Variants in LMTK3 observed in about 807,000 individuals in gnomAD.
The protein encoded by LMTK3 is lemur tail kinase 3.
A neutral mutation model predicts 116.7 loss-of-function variants in LMTK3; 27 were observed. The observed-to-expected ratio is 0.23, with a 90% CI of 0.17 to 0.32. The LOEUF is 0.32. Among genes scored for constraint, LMTK3 ranks in the 10% least tolerant of loss-of-function variants. The pLI, the probability that LMTK3 is intolerant of heterozygous loss-of-function variation, is 1.00. For missense variants in LMTK3, 1,764 were observed against 2,068.5 expected (o/e 0.85, Z 2.86); for synonymous variants, 965 against 971.0 (o/e 0.99, Z 0.11).
At chr19:48,502,405 T>A (rs778453992) in intron 7 of LMTK3, 28 bp downstream of exon 7, 1 of 1,598,142 alleles carries the variant, frequency 6.3e-7, no homozygotes. Context: ...CCTTAGTAGC[T>A]CCTCCCGCGG....
At chr19:48,502,607 C>T in intron 6 of LMTK3, 26 bp from the exon 7 acceptor site, 1 of 1,518,548 alleles carries the variant, frequency 6.6e-7, no homozygotes, top group Non-Finnish European at 8.8e-7. Context: ...AGAAGGTCAG[C>T]ACCACCAGCC....
chr19:48,501,600 C>G lies in LMTK3; in HGVS notation c.795-38G>C, dbSNP rs371300267. 8.8e-5 allele frequency: 138 copies of G among 1,560,676 alleles called. 1 individual carries two copies. The African/African-American group carries it at 1.7e-3, about 20-fold the overall frequency. ...CGCGAGGAGGTGAGCGCAGGGGCAGCCCTCCAGCCACGCCCTGACCCCGCC... is the reference window on the plus strand; with the variant it reads ...CGCGAGGAGGTGAGCGCAGGGGCAGGCCTCCAGCCACGCCCTGACCCCGCC... On this transcript the variant is annotated intron_variant, in intron 7 of 14. Coordinates refer to ENST00000600059, the MANE Select transcript of LMTK3 (RefSeq NM_001388485.1).
chr19:48,498,854 C>A lies in LMTK3; in HGVS notation c.2215G>T (p.Ala739Ser). 1 of 1,230,738 alleles carries A rather than the reference C, an allele frequency of 8.1e-7. No homozygotes were observed. Among genetic ancestry groups the A allele is most frequent in the South Asian group, 2.5e-5 (1 of 39,718 alleles). The allele number at this position is 1,230,738 out of a possible 1,614,324, so 76.2% of individuals were successfully genotyped here. ...CGCCCGGGGTACTGGGGCGCCGCCGCCCCCATGAGGGGGTCCAGAAACTCG... is the reference window on the plus strand; with the variant it reads ...CGCCCGGGGTACTGGGGCGCCGCCGACCCCATGAGGGGGTCCAGAAACTCG... ...PPEFLDPLMGAAAPQYPGRGP... is the reference protein window; with the variant it reads ...PPEFLDPLMGSAAPQYPGRGP... Residue 739 changes from alanine to serine, a missense_variant, in exon 11 of 15, where the codon GCG becomes TCG. Ala to Ser is a moderately conservative substitution (Grantham distance 99). Transcript: ENST00000600059.
chr19:48,505,793 G>A (rs186580860), intron 5 of LMTK3, among the ~76,000 whole-genome samples: 58 of 150,516 alleles, frequency 3.9e-4, no homozygotes, highest in East Asian at 1.2e-3. Flanking sequence ...CCCGGGAGGC[G>A]GAGATTGCAG....
In LMTK3 at chr19:48,498,356, T is replaced by C; in HGVS notation, c.2713A>G (p.Arg905Gly). The C allele has an allele frequency of 1.9e-6, 3 of 1,613,042 alleles. No homozygotes were observed. In the South Asian group the frequency reaches 3.3e-5, roughly 18 times the overall value. ...CCGTTGCCCAGGACTGTCGGGTCCC[T>C]GTTCAGGCCCGGGACTTTCTCTCTG... The part of the protein sequence containing the change: ...GNREKVPGLN[R>G]DPTVLGNGKQ... The change falls in exon 11 of 15, where the codon AGG (arginine) becomes GGG (glycine). Residue 905 changes from arginine (R) to glycine (G), a missense_variant. Transcript: ENST00000600059.
Position 48,499,839 on chromosome 19 carries a change from G to A in LMTK3, c.1230C>T (p.Tyr410=), listed in dbSNP as rs753152580. 6.9e-6 allele frequency: 11 copies of A among 1,586,162 alleles called. No homozygotes were observed. In the African/African-American group the frequency reaches 1.3e-4, roughly 19 times the overall value. The change falls in exon 11 of 15, where the codon TAC becomes TAT. Residue 410 remains tyrosine (Y), a synonymous_variant. Coordinates refer to ENST00000600059, the MANE Select transcript of LMTK3 (RefSeq NM_001388485.1). ...GCCGGGGAGGCCGCTCGGAGAGCAA[G>A]TAGGTGAGCTGCAATTGGAGATCAG... ...SASDLQLQLT[Y]LLSERPPRPP... is the part of the protein sequence containing the mutation.
Position 48,497,904 on chromosome 19 carries a change from G to A in LMTK3, c.3165C>T (p.Ala1055=). The A allele has an allele frequency of 6.7e-7, 1 of 1,500,108 alleles. No individual in the cohort carries two copies. The highest frequency in any genetic ancestry group is 1.3e-5 in the South Asian group (1 of 74,154). 92.9% of individuals were successfully genotyped at this position (1,500,108 alleles called of 1,614,324 possible). A position where few individuals can be genotyped will look rare whatever the true frequency, so the allele number is the denominator to read the frequency against. ...AGGAGACCACTGCGCTGGGTGCAGG[G>A]GCTCTCTCCAGAGAGGTCTCTGGGG... The part of the protein sequence containing the change: ...EPAPETSLER[A]PAPSAVVSSR... The change falls in exon 11 of 15, where the codon GCC becomes GCT. Residue 1055 remains alanine (A), a synonymous_variant. Coordinates refer to ENST00000600059, the MANE Select transcript of LMTK3 (RefSeq NM_001388485.1). The surrounding 1 kb of genome is among the most constrained non-coding windows in gnomAD (Gnocchi z 5.7).
intron 5 of LMTK3, among the ~76,000 whole-genome samples, chr19:48,507,484 C>T (rs945606417): frequency 5.3e-5 from 8 of 152,224 alleles, no homozygotes; most frequent in Non-Finnish European, 1.2e-4. Flanking sequence ...TGGGAATCTT[C>T]TGGACCAGCC....
intron 11 of LMTK3, among the ~76,000 whole-genome samples, chr19:48,496,094 GTTTC>G (rs1254370489): frequency 6.6e-6 from 1 of 151,874 alleles, no homozygotes; most frequent in African/African-American, 2.4e-5. Context: ...TTGTTTGTTT[GTTTC>G]TGTTTGTTTT....
At chr19:48,505,205 C>G (rs2147555997) in intron 5 of LMTK3, among the ~76,000 whole-genome samples, 1 of 149,796 alleles carries the variant, frequency 6.7e-6, no homozygotes, top group South Asian at 2.2e-4. Context: ...CCTCCATCTC[C>G]CGGGCTCCAG....
chr19:48,513,232 T>C, upstream of LMTK3: 1 of 1,417,652 alleles, frequency 7.1e-7, no homozygotes, highest in South Asian at 1.2e-5. This position sits in a 1 kb window ranked among gnomAD's most constrained non-coding sequence, Gnocchi z 5.6. Flanking sequence ...TATTTATTCT[T>C]ATGAGTATTT....
At chr19:48,503,263 G>C (rs912169726) in intron 5 of LMTK3, among the ~76,000 whole-genome samples, 5 of 152,152 alleles carry the variant, frequency 3.3e-5, no homozygotes, top group Non-Finnish European at 7.4e-5. Flanking sequence ...GGCCAGGCTG[G>C]TCTCGAACTC....
intron 6 of LMTK3, 44 bp from the exon 7 acceptor site, chr19:48,502,625 T>TC: frequency 6.6e-7 from 1 of 1,511,062 alleles, no homozygotes; most frequent in South Asian, 1.3e-5. Context: ...GCCGCTCAGG[T>TC]CTCCAGCTAG....
Position 48,493,820 on chromosome 19 carries a change from C to T in LMTK3, c.3966G>A (p.Ala1322=). 1 of 1,498,804 alleles carries T rather than the reference C, an allele frequency of 6.7e-7. No homozygotes were observed. Among genetic ancestry groups the T allele is most frequent in the Non-Finnish European group, 8.9e-7 (1 of 1,124,516 alleles). 92.8% of individuals were successfully genotyped at this position (1,498,804 alleles called of 1,614,324 possible). The change falls in exon 12 of 15, where the codon GCG becomes GCA. Residue 1322 remains alanine (A), a synonymous_variant. Transcript: ENST00000600059. ...PVVVSSADAD[A]ARPLRGLLKS... ...TGAGCAGCCCCCGCAGCGGGCGGGC[C>T]GCGTCCGCGTCGGCGCTGCTCACCA... is the stretch of plus-strand genomic sequence containing the variant.
chr19:48,491,155 A>G lies in LMTK3; in HGVS notation c.4319T>C (p.Leu1440Pro). ...CCGGGCGGGTGGCCCCGGGGTCTCCAGCGCAGGCGAGACGGAGAAGCGGGA... is the reference window on the plus strand; with the variant it reads ...CCGGGCGGGTGGCCCCGGGGTCTCCGGCGCAGGCGAGACGGAGAAGCGGGA... ...CFSRFSVSPALETPGPPARAP... is the reference protein window; with the variant it reads ...CFSRFSVSPAPETPGPPARAP... The change falls in exon 14 of 15, where the codon CTG (leucine) becomes CCG (proline). Residue 1440 changes from leucine (L) to proline (P), a missense_variant. Physicochemically the swap from Leu to Pro is moderately conservative, Grantham distance 98. Transcript: ENST00000600059. The surrounding 1 kb of genome is among the most constrained non-coding windows in gnomAD (Gnocchi z 5.1). 7.3e-7 allele frequency: 1 copy of G among 1,363,694 alleles called. No homozygotes were observed. The highest frequency in any genetic ancestry group is 1.8e-5 in the South Asian group (1 of 54,062). The allele number at this position is 1,363,694 out of a possible 1,614,324, so 84.5% of individuals were successfully genotyped here.
Position 48,499,574 on chromosome 19 carries a change from G to C in LMTK3, c.1495C>G (p.Pro499Ala), listed in dbSNP as rs955584033. ...TGGGGGGCCGGGGGGGCCGACGCCG[G>C]CTGCCAGGCAGGTGCCCCCCCACCC... ...GRGGGAPAWQ[P>A]ASAPPAPHAN... Residue 499 changes from proline to alanine, a missense_variant, in exon 11 of 15, where the codon CCG becomes GCG. Around this residue, in one of 7 missense-constraint regions of LMTK3, gnomAD observed 1,028 missense variants for 1,050.6 expected, o/e 0.98. Coordinates refer to ENST00000600059, the MANE Select transcript of LMTK3 (RefSeq NM_001388485.1). 1.4e-5 allele frequency: 21 copies of C among 1,530,258 alleles called. No individual in the cohort carries two copies. In the Admixed American group the frequency reaches 4.4e-4, roughly 32 times the overall value. The allele number at this position is 1,530,258 out of a possible 1,614,324, so 94.8% of individuals were successfully genotyped here.
chr19:48,502,848 C>T lies in LMTK3; in HGVS notation c.645+61G>A, dbSNP rs1054272572. On this transcript the variant is annotated intron_variant, in intron 6 of 14. Coordinates refer to ENST00000600059, the MANE Select transcript of LMTK3 (RefSeq NM_001388485.1). ...GACGACGAAGCCCAGGGGCACCAGG[C>T]TTGGCCCCGGCCTTGTCCAGCTGCC... 3 of 1,271,662 alleles carry T rather than the reference C, an allele frequency of 2.4e-6. No individual in the cohort carries two copies. In the African/African-American group the frequency reaches 4.4e-5, roughly 19 times the overall value. 78.8% of individuals were successfully genotyped at this position (1,271,662 alleles called of 1,614,324 possible). A position where few individuals can be genotyped will look rare whatever the true frequency, so the allele number is the denominator to read the frequency against.
chr19:48,493,244 C>T (rs1972256748), intron 12 of LMTK3, among the ~76,000 whole-genome samples: 3 of 151,352 alleles, frequency 2.0e-5, no homozygotes, highest in Admixed American at 2.0e-4. Flanking sequence ...AGACCCCGCC[C>T]CACCCTAAGC....
rs942475198 is a variant in LMTK3, at chr19:48,494,288, T to G, written c.3677-179A>C. On this transcript the variant is annotated intron_variant, in intron 11 of 14. Coordinates refer to ENST00000600059, the MANE Select transcript of LMTK3 (RefSeq NM_001388485.1). The surrounding 1 kb of genome is among the most constrained non-coding windows in gnomAD (Gnocchi z 4.0). Reference sequence around the variant, plus strand: ...GGGTGGGAAAGGTCCTCTCCAGTGCTCAACCTCCCCAGAGCTCCCCAGTGC... The same window carrying G: ...GGGTGGGAAAGGTCCTCTCCAGTGCGCAACCTCCCCAGAGCTCCCCAGTGC... 1.3e-5 allele frequency among the ~76,000 whole-genome samples: 2 copies of G among 152,166 alleles called. No individual in the cohort carries two copies. The highest frequency in any genetic ancestry group is 2.9e-5 in the Non-Finnish European group (2 of 68,024).
Sources: allele counts gnomAD v4.1 joint callset (sites outside exome capture counted in the v4.1 genomes callset), GRCh38; gene constraint gnomAD v4.1.1; regional missense constraint gnomAD v4.1.1; non-coding constraint Gnocchi (gnomAD v3.1); transcripts MANE v1.5; gene names NCBI Gene and HGNC (gene_info 2026-07-23, HGNC 2026-07-21).